Variants in VRK2 observed in about 807,000 individuals in gnomAD.
The protein encoded by VRK2 is VRK serine/threonine kinase 2, also known as serine/threonine-protein kinase VRK2.
A neutral mutation model predicts 57.6 loss-of-function variants in VRK2; 60 were observed. The observed-to-expected ratio is 1.04, with a 90% CI of 0.85 to 1.29. The LOEUF is 1.29. Among genes scored for constraint, VRK2 ranks in the 50% most tolerant of loss-of-function variants. The probability of loss-of-function intolerance (pLI) is 0.00; values close to 1 mark genes in which losing one functional copy is unlikely to be tolerated. For missense variants in VRK2, 705 were observed against 588.1 expected (o/e 1.20, Z -2.06); for synonymous variants, 231 against 199.2 (o/e 1.16, Z -1.35).
At chr2:58,118,420 C>G (rs2104458369) in intron 7 of VRK2, among the ~76,000 whole-genome samples, 1 of 152,270 alleles carries the variant, frequency 6.6e-6, no homozygotes, top group Non-Finnish European at 1.5e-5. Flanking sequence ...TCTCCTTTGT[C>G]TCTACCAGAA....
chr2:58,047,891 T>A (rs1247863230), intron 1 of VRK2, among the ~76,000 whole-genome samples: 1 of 152,242 alleles, frequency 6.6e-6, no homozygotes, highest in Admixed American at 6.5e-5. Flanking sequence ...CTAGGAAGAT[T>A]ATATTAAGAA....
At chr2:58,122,256 C>G (rs992697851) in intron 7 of VRK2, among the ~76,000 whole-genome samples, 4 of 152,112 alleles carry the variant, frequency 2.6e-5, no homozygotes, top group African/African-American at 4.8e-5. Context: ...TTACAGTTGA[C>G]CTATGACAAT....
At position 58,086,371 on chromosome 2, in the gene VRK2, T is replaced by G. The variant is rs778249587; in HGVS notation, c.289T>G (p.Tyr97Asp). The part of the protein sequence containing the change: ...KKWIERKQLD[Y>D]LGIPLFYGSG... The stretch of plus-strand genomic sequence containing the variant: ...GTGGATAGAACGCAAACAACTTGAT[T>G]ATTTAGGAATTCCTCTGTTTTATGG... Residue 97 changes from tyrosine to aspartate, a missense_variant, in exon 5 of 13, where the codon TAT becomes GAT. Physicochemically the swap from Tyr to Asp is radical, Grantham distance 160. Coordinates refer to ENST00000340157, the MANE Select transcript of VRK2 (RefSeq NM_006296.7). 1 of 1,605,132 alleles carries G rather than the reference T, an allele frequency of 6.2e-7. No homozygotes were observed. Among genetic ancestry groups the G allele is most frequent in the Non-Finnish European group, 8.5e-7 (1 of 1,177,498 alleles).
intron 2 of VRK2, among the ~76,000 whole-genome samples, chr2:58,083,530 G>A (rs1184688330): frequency 1.3e-5 from 2 of 151,770 alleles, no homozygotes; most frequent in African/African-American, 2.4e-5. Flanking sequence ...AAAAGTAATT[G>A]ATTAGCAGGT....
At chr2:58,026,420 G>A (rs1286325247) in intron 2 of VRK2, among the ~76,000 whole-genome samples, 2 of 152,106 alleles carry the variant, frequency 1.3e-5, no homozygotes, top group African/African-American at 4.8e-5. Flanking sequence ...ACTAAGAAAA[G>A]TTAATATGAC....
chr2:58,047,444 G>T, intron 1 of VRK2: 2 of 985,444 alleles, frequency 2.0e-6, no homozygotes, highest in Non-Finnish European at 2.4e-6. Flanking sequence ...TCCCTTGGCA[G>T]ATGAACTCGG....
intron 12 of VRK2, among the ~76,000 whole-genome samples, chr2:58,154,570 T>C (rs1465733288): frequency 6.6e-6 from 1 of 152,106 alleles, no homozygotes; most frequent in Non-Finnish European, 1.5e-5. Context: ...AGCATGACAT[T>C]AGCTATGTCC....
rs770407214 is a variant in VRK2 at position 58,096,499 on chromosome 2, A to G, written c.543+6776A>G. 1.4e-4 allele frequency among the ~76,000 whole-genome samples: 21 copies of G among 151,348 alleles called. No individual in the cohort carries two copies. In the South Asian group the frequency reaches 1.7e-3, roughly 12 times the overall value. On this transcript the variant is annotated intron_variant, in intron 7 of 12. Coordinates refer to ENST00000340157, the MANE Select transcript of VRK2 (RefSeq NM_006296.7). ...GTTATTCATGTTATCTGTTTTTTCA[A>G]TTTTATTTGTGCGGTGGTCTGCATT...
chr2:57,996,528 C>A (rs143396840), intron 1 of VRK2, among the ~76,000 whole-genome samples: 1 of 152,128 alleles, frequency 6.6e-6, no homozygotes, highest in African/African-American at 2.4e-5. Flanking sequence ...GTCAAACATG[C>A]GCAGTCAACC....
chr2:58,041,480 T>G (rs1674453282), intron 3 of VRK2, among the ~76,000 whole-genome samples: 1 of 152,072 alleles, frequency 6.6e-6, no homozygotes, highest in Non-Finnish European at 1.5e-5. Flanking sequence ...GCATTAATAT[T>G]AAAGCACAGA....
intron 9 of VRK2, among the ~76,000 whole-genome samples, chr2:58,134,474 G>T (rs1239096838): frequency 6.6e-6 from 1 of 151,614 alleles, no homozygotes; most frequent in African/African-American, 2.4e-5. Context: ...AGCCGGGCGC[G>T]GTGGCGGGCG....
chr2:58,151,913 T>G (rs13023174), intron 12 of VRK2, among the ~76,000 whole-genome samples: 101 of 151,580 alleles, frequency 6.7e-4, no homozygotes, highest in African/African-American at 2.3e-3. Context: ...TGTTCCATAG[T>G]GGCAGAGCTA....
At chr2:57,923,257 C>T (rs996885346) in intron 1 of VRK2, among the ~76,000 whole-genome samples, 1 of 151,980 alleles carries the variant, frequency 6.6e-6, no homozygotes, top group Non-Finnish European at 1.5e-5. Flanking sequence ...ATTGCTGGAT[C>T]ATATGGTAGC....
intron 2 of VRK2, among the ~76,000 whole-genome samples, chr2:58,053,849 T>G (rs1233729513): frequency 6.6e-6 from 1 of 152,112 alleles, no homozygotes; most frequent in Non-Finnish European, 1.5e-5. Flanking sequence ...AATGATACTG[T>G]GGGAGTGAAG....
At chr2:57,981,685 G>C (rs1180128077) in intron 1 of VRK2, among the ~76,000 whole-genome samples, 2 of 152,224 alleles carry the variant, frequency 1.3e-5, no homozygotes, top group Non-Finnish European at 2.9e-5. Flanking sequence ...TGAGTCATAA[G>C]TTTGGTTTCT....
At chr2:58,139,891 T>A in intron 11 of VRK2, 59 bp downstream of exon 11, 1 of 1,474,320 alleles carries the variant, frequency 6.8e-7, no homozygotes, top group African/African-American at 1.4e-5. Flanking sequence ...TTCTATCGAA[T>A]GAAATTGTTT....
chr2:58,020,115 T>C (rs58150137), intron 1 of VRK2, among the ~76,000 whole-genome samples: 2,878 of 152,316 alleles, frequency 0.019, 103 homozygotes, highest in African/African-American at 0.066. Flanking sequence ...ACAGATCTGG[T>C]CAACTAAAGT....
At chr2:57,984,109 A>T (rs993838742) in intron 1 of VRK2, among the ~76,000 whole-genome samples, 3 of 152,190 alleles carry the variant, frequency 2.0e-5, no homozygotes, top group Non-Finnish European at 4.4e-5. Flanking sequence ...TCTTCATCAC[A>T]ACTACTCAAC....
At chr2:57,910,640 G>A (rs1039915897) in intron 1 of VRK2, among the ~76,000 whole-genome samples, 6 of 152,140 alleles carry the variant, frequency 3.9e-5, no homozygotes, top group South Asian at 2.1e-4. Flanking sequence ...TAGGACTGAG[G>A]GAAAGATTAA....
Sources: gnomAD v4.1 joint callset for allele counts (sites outside exome capture counted in the v4.1 genomes callset) on GRCh38, gnomAD v4.1.1 for gene constraint, MANE v1.5 for transcripts, NCBI Gene and HGNC (gene_info 2026-07-23, HGNC 2026-07-21) for gene names.